MCTP1: variants seen among roughly 807,000 people sequenced by gnomAD.
The protein encoded by MCTP1 is multiple C2 and transmembrane domain-containing protein 1.
Under a neutral mutation model 120.6 loss-of-function variants are expected in MCTP1, and 69 were observed. The ratio of observed to expected loss-of-function variants is 0.57; its 90% CI spans 0.47 to 0.70. The LOEUF (loss-of-function observed/expected upper bound fraction) is 0.70, where lower values mean the gene tolerates loss of function less well. Ranked by LOEUF, MCTP1 falls within the 30% of genes least tolerant of loss-of-function variation. The pLI is 0.00. For missense variants in MCTP1, 1,203 were observed against 1,248.8 expected, an observed-to-expected ratio of 0.96 and a Z score of 0.55; for synonymous variants, 529 against 493.1, an observed-to-expected ratio of 1.07 and a Z score of -0.96.
chr5:94,894,667 C>G lies in MCTP1; in HGVS notation c.1821G>C (p.Glu607Asp). 6.2e-7 allele frequency: 1 copy of G among 1,608,518 alleles called. No homozygotes were observed. The highest frequency in any genetic ancestry group is 1.1e-5 in the South Asian group (1 of 90,740). ...TACGTACATATCTCTTTAATATCTC[C>G]TCTCGTTCCTTCTGGTCCTCCAGGG... Reference protein sequence around the residue: ...VNSLEDQKEREEILKRYSPLR... With the variant: ...VNSLEDQKERDEILKRYSPLR... Residue 607 changes from glutamate (E) to aspartate (D), a missense_variant, in exon 11 of 23, where the codon GAG becomes GAC. Glu to Asp is a conservative substitution (Grantham distance 45). Transcript: ENST00000515393.
chr5:94,707,433 G>A lies in MCTP1; in HGVS notation c.*63C>T. 1 of 1,241,592 alleles carries A rather than the reference G, an allele frequency of 8.1e-7. No individual in the cohort carries two copies. Among genetic ancestry groups the A allele is most frequent in the Non-Finnish European group, 1.2e-6 (1 of 859,746 alleles). The allele number at this position is 1,241,592 out of a possible 1,614,324, so 76.9% of individuals were successfully genotyped here. A position where few individuals can be genotyped will look rare whatever the true frequency, so the allele number is the denominator to read the frequency against. On this transcript the variant is annotated 3_prime_UTR_variant, in exon 23 of 23. Coordinates refer to ENST00000515393, the MANE Select transcript of MCTP1 (RefSeq NM_024717.7). ...GCAGAAAGAAAGGAAATGCTGCTGA[G>A]GCTGAGGGCTTTTTCTTTTATCTTC...
chr5:94,916,050 A>G (rs1809973429), intron 8 of MCTP1, among the ~76,000 whole-genome samples: 1 of 152,156 alleles, frequency 6.6e-6, no homozygotes, highest in South Asian at 2.1e-4. Context: ...TTCTATTCAG[A>G]TATTTTTTAA....
chr5:95,048,355 C>G (rs940725936), intron 1 of MCTP1, among the ~76,000 whole-genome samples: 28 of 152,096 alleles, frequency 1.8e-4, no homozygotes, highest in African/African-American at 6.5e-4. Context: ...AGGAGAGAAA[C>G]AGAGGATTAT....
In MCTP1 at chr5:94,708,515, TTGTACATC is replaced by T. The variant is rs1254698766; in HGVS notation, c.2917_2924del (p.Asp973SerfsTer14). On this transcript the variant is annotated frameshift_variant, in exon 22 of 23. Coordinates refer to ENST00000515393, the MANE Select transcript of MCTP1 (RefSeq NM_024717.7). LOFTEE classifies it high-confidence loss of function. ...AATAATAACGAAACCTACATACCAC[TTGTACATC>T]TGAAGGGACTCTGGAAAGGAAGTCA... 3 of 1,581,100 alleles carry T rather than the reference TTGTACATC, an allele frequency of 1.9e-6. No individual in the cohort carries two copies.
At chr5:95,082,556 T>A (rs1340064123) in intron 1 of MCTP1, among the ~76,000 whole-genome samples, 1 of 152,030 alleles carries the variant, frequency 6.6e-6, no homozygotes. Context: ...AATAGACATA[T>A]AAGGTGAAGC....
intron 18 of MCTP1, among the ~76,000 whole-genome samples, chr5:94,783,917 G>A (rs927860090): frequency 1.8e-4 from 28 of 151,936 alleles, no homozygotes; most frequent in Admixed American, 1.4e-3. Context: ...AGTTTCTTTC[G>A]TGTGTTTACT....
rs5869672 is a variant in MCTP1, at chr5:95,283,841, G to GC, written c.720+14dup. 1 allele frequency: 1,331,895 copies of GC among 1,331,908 alleles called. 665,941 individuals carry two copies. The highest frequency in any genetic ancestry group is 1 in the Middle Eastern group (3,746 of 3,746). 82.5% of individuals were successfully genotyped at this position (1,331,908 alleles called of 1,614,324 possible). A position where few individuals can be genotyped will look rare whatever the true frequency, so the allele number is the denominator to read the frequency against. ...TCCCGCGCACCTTGTCTCCGGCCGC[G>GC]CCACCGGCACTCACCTGGCTGCTGC... On this transcript the variant is annotated intron_variant, in intron 1 of 22. Coordinates refer to ENST00000515393, the MANE Select transcript of MCTP1 (RefSeq NM_024717.7).
chr5:95,095,921 G>T (rs1756229806), intron 1 of MCTP1, among the ~76,000 whole-genome samples: 1 of 152,142 alleles, frequency 6.6e-6, no homozygotes, highest in Admixed American at 6.5e-5. Context: ...AAAAAGGCCA[G>T]TGGTTTCCTG....
intron 19 of MCTP1, among the ~76,000 whole-genome samples, chr5:94,733,143 A>G (rs761562778): frequency 4.6e-5 from 7 of 152,182 alleles, no homozygotes; most frequent in Non-Finnish European, 7.3e-5. Flanking sequence ...TTGGAAAATC[A>G]TTTTCAAAGT....
At chr5:95,039,177 C>T (rs1276344497) in intron 1 of MCTP1, among the ~76,000 whole-genome samples, 4 of 152,112 alleles carry the variant, frequency 2.6e-5, no homozygotes, top group Admixed American at 6.5e-5. Flanking sequence ...TGCCTTTGTA[C>T]TTTCAAAATG....
chr5:94,704,340 G>A lies in MCTP1; in HGVS notation c.*3156C>T, dbSNP rs1354445772. 6.6e-6 allele frequency: 1 copy of A among 151,428 alleles called. No individual in the cohort carries two copies. Among genetic ancestry groups the A allele is most frequent in the Non-Finnish European group, 1.5e-5 (1 of 67,614 alleles). The allele number at this position is 151,428 out of a possible 1,614,324, so 9.4% of individuals were successfully genotyped here. A position where few individuals can be genotyped will look rare whatever the true frequency, so the allele number is the denominator to read the frequency against. ...TTACTTGTATTTCTGGAGCAAAAAG[G>A]TATAACTGCCTTATACCTTTTTGTT... On this transcript the variant is annotated 3_prime_UTR_variant, in exon 23 of 23. Transcript: ENST00000515393.
chr5:94,742,410 G>T (rs1313965793), intron 19 of MCTP1, among the ~76,000 whole-genome samples: 1 of 151,946 alleles, frequency 6.6e-6, no homozygotes, highest in African/African-American at 2.4e-5. Flanking sequence ...TTCCATCTTG[G>T]GCTTAGTGAT....
intron 1 of MCTP1, chr5:95,038,078 A>G: frequency 2.1e-6 from 2 of 975,424 alleles, no homozygotes; most frequent in Non-Finnish European, 1.2e-6. Context: ...CGTGTATTTT[A>G]TCCTTTCAAA....
intron 1 of MCTP1, among the ~76,000 whole-genome samples, chr5:95,156,392 A>T (rs554896017): frequency 2.0e-5 from 3 of 152,316 alleles, no homozygotes; most frequent in Admixed American, 1.3e-4. Flanking sequence ...AGATATTCTG[A>T]ATCCAATACC....
chr5:95,278,212 G>T (rs1760007824), intron 1 of MCTP1, among the ~76,000 whole-genome samples: 1 of 152,152 alleles, frequency 6.6e-6, no homozygotes, highest in Admixed American at 6.5e-5. Flanking sequence ...AGCACTGTGA[G>T]TTAGAAGAAA....
chr5:94,812,713 G>C (rs2153070509), intron 17 of MCTP1, among the ~76,000 whole-genome samples: 1 of 151,622 alleles, frequency 6.6e-6, no homozygotes, highest in East Asian at 1.9e-4. Flanking sequence ...AGTGCACTGT[G>C]ATTGAGCCTG....
rs1042781047 is a variant in MCTP1, at chr5:95,284,495, G to T, written c.81C>A (p.Asn27Lys). Reference sequence around the variant, plus strand: ...TGCTCCTGCCCACCCCCAGCTGCAGGTTCTTCCAGAGCCGGGCCTGGAAGG... The same window carrying T: ...TGCTCCTGCCCACCCCCAGCTGCAGTTTCTTCCAGAGCCGGGCCTGGAAGG... ...SSSFQARLWK[N>K]LQLGVGRSKG... The change falls in exon 1 of 23, where the codon AAC becomes AAA. Residue 27 changes from asparagine (N) to lysine (K), a missense_variant. By Grantham distance (94) the Asn-to-Lys change is moderately conservative. Around this residue, in one of 2 missense-constraint regions of MCTP1, gnomAD observed 463 missense variants for 377.8 expected, o/e 1.23. Coordinates refer to ENST00000515393, the MANE Select transcript of MCTP1 (RefSeq NM_024717.7). This position sits in a 1 kb window ranked among gnomAD's most constrained non-coding sequence, Gnocchi z 5.2. The T allele has an allele frequency of 3.8e-5, 57 of 1,511,572 alleles. No individual in the cohort carries two copies. Among genetic ancestry groups the T allele is most frequent in the Non-Finnish European group, 4.7e-5 (54 of 1,138,184 alleles). The allele number at this position is 1,511,572 out of a possible 1,614,324, so 93.6% of individuals were successfully genotyped here.
chr5:95,208,804 A>G (rs1285134287), intron 1 of MCTP1, among the ~76,000 whole-genome samples: 1 of 152,096 alleles, frequency 6.6e-6, no homozygotes, highest in Non-Finnish European at 1.5e-5. Context: ...ATTCTTGCTT[A>G]TCTAGAAATC....
intron 1 of MCTP1, among the ~76,000 whole-genome samples, chr5:95,157,477 C>T (rs572578752): frequency 6.6e-6 from 1 of 152,268 alleles, no homozygotes; most frequent in South Asian, 2.1e-4. Context: ...CAAATGAATT[C>T]AGCTGCCCTG....
Sources: gnomAD v4.1 joint callset for allele counts (sites outside exome capture counted in the v4.1 genomes callset) on GRCh38, gnomAD v4.1.1 for gene constraint, gnomAD v4.1.1 regional missense constraint, Gnocchi (gnomAD v3.1) non-coding constraint, MANE v1.5 for transcripts, NCBI Gene and HGNC (gene_info 2026-07-23, HGNC 2026-07-21) for gene names.